The following C10orf90 variants were observed in gnomAD, a reference collection of about 807,000 sequenced individuals.
C10orf90 encodes the protein chromosome 10 open reading frame 90, also known as (E2-independent) E3 ubiquitin-conjugating enzyme FATS.
A neutral mutation model predicts 62.5 loss-of-function variants in C10orf90; 56 were observed. That is an observed-to-expected ratio of 0.90 (90% CI 0.72 to 1.12). The LOEUF (loss-of-function observed/expected upper bound fraction) is 1.12. C10orf90 is among the 50% of genes most tolerant of loss of function. The pLI is 0.00. For missense variants in C10orf90, 970 were observed against 880.4 expected (o/e 1.10, Z -1.29); for synonymous variants, 386 against 340.4 (o/e 1.13, Z -1.47).
At chr10:126,544,018 A>T (rs1023935893) in intron 2 of C10orf90, among the ~76,000 whole-genome samples, 1 of 152,214 alleles carries the variant, frequency 6.6e-6, no homozygotes, top group Non-Finnish European at 1.5e-5. Context: ...GTGATTCTCA[A>T]TTCAGCTGCT....
chr10:126,630,372 A>G (rs891568415), intron 2 of C10orf90, among the ~76,000 whole-genome samples: 3 of 152,124 alleles, frequency 2.0e-5, no homozygotes, highest in Non-Finnish European at 4.4e-5. Context: ...GGGGGTTGGG[A>G]TAGGCAAGGG....
chr10:126,647,655 A>G (rs1416281290), intron 1 of C10orf90, among the ~76,000 whole-genome samples: 3 of 152,228 alleles, frequency 2.0e-5, no homozygotes, highest in Non-Finnish European at 4.4e-5. Context: ...GCCCCTCCCC[A>G]TGGCTCAACT....
rs566315362 is a variant in C10orf90, at chr10:126,552,772, G to A, written c.314-38833C>T. Among the ~76,000 whole-genome samples the A allele has an allele frequency of 1.2e-4, 19 of 152,310 alleles. No homozygotes were observed. The East Asian group carries it at 1.3e-3, about 11-fold the overall frequency. On this transcript the variant is annotated intron_variant, in intron 2 of 9. Coordinates refer to ENST00000488181, the MANE Select transcript of C10orf90 (RefSeq NM_001350921.2). Reference sequence around the variant, plus strand: ...AGATCTTGAGCTCTTGCTGCATGGCGGGATAAATTACATCATCTCTCTGAG... The same window carrying A: ...AGATCTTGAGCTCTTGCTGCATGGCAGGATAAATTACATCATCTCTCTGAG...
chr10:126,508,249 C>A (rs1269426914), intron 3 of C10orf90, among the ~76,000 whole-genome samples: 1 of 151,712 alleles, frequency 6.6e-6, no homozygotes, highest in African/African-American at 2.4e-5. Flanking sequence ...CTAGACCTCT[C>A]CTTCCTTGGG....
At chr10:126,563,393 G>A (rs541689417) in intron 2 of C10orf90, among the ~76,000 whole-genome samples, 1 of 152,268 alleles carries the variant, frequency 6.6e-6, no homozygotes, top group South Asian at 2.1e-4. Flanking sequence ...CTTGATCAGG[G>A]TTTAACCAGA....
chr10:126,499,879 A>G (rs1862277503), intron 4 of C10orf90, among the ~76,000 whole-genome samples: 1 of 152,228 alleles, frequency 6.6e-6, no homozygotes, highest in Non-Finnish European at 1.5e-5. Flanking sequence ...CTCTACTTGG[A>G]TATCTCAGAA....
At chr10:126,514,016 T>C in intron 2 of C10orf90, 77 bp from the exon 3 acceptor site, 1 of 1,041,240 alleles carries the variant, frequency 9.6e-7, no homozygotes, top group Non-Finnish European at 1.4e-6. Context: ...TACTGTAAAA[T>C]TTAATGTCAC....
chr10:126,593,327 G>A (rs958149096), intron 2 of C10orf90, among the ~76,000 whole-genome samples: 1 of 152,148 alleles, frequency 6.6e-6, no homozygotes, highest in Non-Finnish European at 1.5e-5. Flanking sequence ...AAAATGTGGT[G>A]CATATACACA....
At chr10:126,658,915 G>A (rs1226439621) in intron 1 of C10orf90, among the ~76,000 whole-genome samples, 1 of 152,114 alleles carries the variant, frequency 6.6e-6, no homozygotes, top group Non-Finnish European at 1.5e-5. Flanking sequence ...TTAAAACAAG[G>A]GAATCAGATT....
chr10:126,507,085 C>T (rs545564396), intron 3 of C10orf90, among the ~76,000 whole-genome samples: 12 of 152,130 alleles, frequency 7.9e-5, no homozygotes, highest in African/African-American at 2.4e-4. Context: ...GGGCTGGGTG[C>T]GGTGGCTCAC....
At chr10:126,440,346 G>T (rs1274242046) in intron 7 of C10orf90, among the ~76,000 whole-genome samples, 1 of 152,076 alleles carries the variant, frequency 6.6e-6, no homozygotes, top group Admixed American at 6.6e-5. Context: ...CCATTGACCT[G>T]GGAACCTCAT....
At chr10:126,571,367 G>C (rs2134004027) in intron 2 of C10orf90, among the ~76,000 whole-genome samples, 1 of 152,274 alleles carries the variant, frequency 6.6e-6, no homozygotes, top group South Asian at 2.1e-4. Flanking sequence ...CCTGAGCCCG[G>C]TGGCCCAAGT....
chr10:126,519,844 C>T (rs1053805054), intron 2 of C10orf90, among the ~76,000 whole-genome samples: 2 of 152,108 alleles, frequency 1.3e-5, no homozygotes, highest in Admixed American at 6.5e-5. Flanking sequence ...TGCCTTTGTG[C>T]CCTCTTCCCA....
intron 7 of C10orf90, 71 bp from the exon 8 acceptor site, chr10:126,429,921 A>AACTAATCACAATG: frequency 7.5e-7 from 1 of 1,331,504 alleles, no homozygotes; most frequent in Non-Finnish European, 1.1e-6. Context: ...AAACATTGTG[A>AACTAATCACAATG]TTAGTTCATA....
chr10:126,630,206 G>A (rs1319821548), intron 2 of C10orf90, among the ~76,000 whole-genome samples: 2 of 152,126 alleles, frequency 1.3e-5, no homozygotes, highest in Admixed American at 6.5e-5. Flanking sequence ...AATCCCTGAT[G>A]CCCTCGTACT....
intron 4 of C10orf90, among the ~76,000 whole-genome samples, chr10:126,489,226 A>G (rs1208633351): frequency 6.6e-6 from 1 of 152,160 alleles, no homozygotes; most frequent in Non-Finnish European, 1.5e-5. Context: ...TAACATATGA[A>G]AAAATCAATG....
At chr10:126,632,446 A>G (rs1845869189) in intron 2 of C10orf90, among the ~76,000 whole-genome samples, 1 of 151,726 alleles carries the variant, frequency 6.6e-6, no homozygotes, top group Non-Finnish European at 1.5e-5. Context: ...CATTTGGTAG[A>G]TAATACTGAG....
chr10:126,503,016 TAATG>T (rs1434641809), intron 4 of C10orf90, among the ~76,000 whole-genome samples: 1 of 152,234 alleles, frequency 6.6e-6, no homozygotes, highest in Non-Finnish European at 1.5e-5. Flanking sequence ...AATAAAGCTT[TAATG>T]AATAAAAGTT....
intron 7 of C10orf90, among the ~76,000 whole-genome samples, chr10:126,454,927 A>AGT (rs926655220): frequency 7.2e-5 from 11 of 151,990 alleles, no homozygotes; most frequent in African/African-American, 2.7e-4. Flanking sequence ...CTTGGGTTGG[A>AGT]GTGTACCTAA....
Sources: gnomAD v4.1 joint callset for allele counts (sites outside exome capture counted in the v4.1 genomes callset) on GRCh38, gnomAD v4.1.1 for gene constraint, MANE v1.5 for transcripts, NCBI Gene and HGNC (gene_info 2026-07-23, HGNC 2026-07-21) for gene names.